Variants in TEX11 observed in about 807,000 individuals in gnomAD.
TEX11 encodes testis-expressed protein 11.
A neutral mutation model predicts 84.4 loss-of-function variants in TEX11; 7 were observed. The observed-to-expected ratio is 0.08, with a 90% CI of 0.05 to 0.16. TEX11 has a LOEUF of 0.16. TEX11 is among the 10% of genes least tolerant of loss of function. The pLI is 1.00. For missense variants in TEX11, 551 were observed against 660.5 expected, an observed-to-expected ratio of 0.83 and a Z score of 1.82; for synonymous variants, 264 against 222.8, an observed-to-expected ratio of 1.18 and a Z score of -1.64.
chrX:70,881,213 G>A (rs778823513), intron 2 of TEX11, among the ~76,000 whole-genome samples: 4 of 107,636 alleles, frequency 3.7e-5, no homozygotes, highest in Non-Finnish European at 5.7e-5. Context: ...TGTAATCCCA[G>A]CTACTGGGGT....
chrX:70,860,675 T>C (rs1207560480), intron 5 of TEX11, among the ~76,000 whole-genome samples, 182 bp downstream of exon 5: 1 of 111,908 alleles, frequency 8.9e-6, no homozygotes, highest in African/African-American at 3.2e-5. Context: ...ATTACTACAG[T>C]ATTCTGAGAA....
intron 8 of TEX11, among the ~76,000 whole-genome samples, chrX:70,826,784 C>T (rs1188296728): frequency 1.8e-5 from 2 of 111,307 alleles, no homozygotes; most frequent in Non-Finnish European, 3.8e-5. Context: ...TGGCAAGCCT[C>T]GTCACTGTGG....
chrX:70,511,744 C>T, the TEX11 span, among the ~76,000 whole-genome samples: 1 of 65,138 alleles, frequency 1.5e-5, no homozygotes, highest in Non-Finnish European at 2.9e-5. Context: ...CAGACTGAGA[C>T]TCCATCTCAA....
At chrX:70,850,468 G>A (rs1354762181) in intron 7 of TEX11, among the ~76,000 whole-genome samples, 4 of 108,586 alleles carry the variant, frequency 3.7e-5, no homozygotes, top group Non-Finnish European at 5.7e-5. Context: ...CTGGCCAGTC[G>A]CAGTGGTTCA....
At chrX:70,547,986 G>A (rs760748828) in intron 28 of TEX11, among the ~76,000 whole-genome samples, 49 of 111,700 alleles carry the variant, frequency 4.4e-4, no homozygotes, top group African/African-American at 1.2e-3. Flanking sequence ...TTATTGCAGC[G>A]CTGTTCACAA....
intron 9 of TEX11, among the ~76,000 whole-genome samples, chrX:70,804,696 CG>C (rs1232200166): frequency 2.7e-5 from 3 of 111,076 alleles, no homozygotes; most frequent in African/African-American, 9.8e-5. Flanking sequence ...CAAATATAGC[CG>C]CTAAGATATT....
intron 9 of TEX11, among the ~76,000 whole-genome samples, chrX:70,762,044 T>C (rs1254017209): frequency 8.9e-6 from 1 of 111,933 alleles, no homozygotes; most frequent in Non-Finnish European, 1.9e-5. Flanking sequence ...TATCCTAAAA[T>C]AGTATATCCA....
chrX:70,876,492 G>GT (rs200407648), intron 3 of TEX11, among the ~76,000 whole-genome samples: 20,803 of 110,756 alleles, frequency 0.19, 1,544 homozygotes, highest in Non-Finnish European at 0.22. Context: ...GATGTGGCAG[G>GT]TTTTGTCTTA....
At chrX:70,520,986 G>A in the TEX11 span, among the ~76,000 whole-genome samples, 25 of 112,158 alleles carry the variant, frequency 2.2e-4, no homozygotes, top group East Asian at 8.5e-4. Context: ...TGCTAAGACC[G>A]TTGGAAAAGT....
At chrX:70,578,590 G>T (rs964862890) in intron 25 of TEX11, among the ~76,000 whole-genome samples, 11 of 110,752 alleles carry the variant, frequency 9.9e-5, no homozygotes, top group African/African-American at 3.6e-4. Flanking sequence ...ACTGAAAAAG[G>T]CTTTGACCTC....
In TEX11 at chrX:70,806,717, G is replaced by T. The variant is rs775355719; in HGVS notation, c.680C>A (p.Ser227Tyr). The T allele has an allele frequency of 1.7e-6, 2 of 1,176,985 alleles. No homozygotes were observed. The highest frequency in any genetic ancestry group is 1.8e-5 in the South Asian group (1 of 54,098). The change falls in exon 9 of 30, where the codon TCT becomes TAT. Residue 227 changes from serine to tyrosine, a missense_variant. Transcript: ENST00000374333. ...TTGTTTATGTTACCTAAGCCAGAAA[G>T]AACTTTCTTCATATTTATTATTCTT... ...TQKNNKYEES[S>Y]FWLSQSYDIG...
At chrX:70,867,351 C>A (rs2091604698) in intron 4 of TEX11, among the ~76,000 whole-genome samples, 1 of 110,981 alleles carries the variant, frequency 9.0e-6, no homozygotes, top group Non-Finnish European at 1.9e-5. Flanking sequence ...GAACTACAAA[C>A]CACTGCTCAA....
In TEX11 at chrX:70,693,270, C is replaced by CA. The variant is rs2090252424; in HGVS notation, c.1005-10446_1005-10445insT. ...AAAAAAAATTCCAACTTTTCTACAT[C>CA]CTTGCCAACACTTGTTATCTTTTCT... On this transcript the variant is annotated intron_variant, in intron 13 of 29. Transcript: ENST00000374333. Among the ~76,000 whole-genome samples, 4 of 111,181 alleles carry CA rather than the reference C, an allele frequency of 3.6e-5. No individual in the cohort carries two copies. The South Asian group carries it at 1.5e-3, about 42-fold the overall frequency.
chrX:70,727,696 G>C (rs768200699), intron 11 of TEX11, among the ~76,000 whole-genome samples: 5 of 111,288 alleles, frequency 4.5e-5, no homozygotes, highest in African/African-American at 6.5e-5. Context: ...CATGAGGGCT[G>C]AGCCCTCATG....
At chrX:70,658,374 A>C (rs1279004462) in intron 16 of TEX11, among the ~76,000 whole-genome samples, 1 of 111,623 alleles carries the variant, frequency 9.0e-6, no homozygotes, top group African/African-American at 3.3e-5. Flanking sequence ...CCGAGATAGC[A>C]CAACTGCTCT....
chrX:70,863,774 T>A (rs141950502), intron 4 of TEX11, among the ~76,000 whole-genome samples: 2,276 of 111,224 alleles, frequency 0.02, 41 homozygotes, highest in African/African-American at 0.07. Context: ...GTATAACAAA[T>A]TCCTCTGAGC....
intron 15 of TEX11, chrX:70,673,457 T>A (rs1319667347): frequency 8.9e-6 from 1 of 111,839 alleles, no homozygotes; most frequent in Non-Finnish European, 1.9e-5. Context: ...CTTCTTAACA[T>A]CCTTGTCTTT....
intron 9 of TEX11, among the ~76,000 whole-genome samples, chrX:70,750,002 A>T (rs995495753): frequency 1.8e-5 from 2 of 111,090 alleles, no homozygotes; most frequent in Non-Finnish European, 3.8e-5. Flanking sequence ...AAAATGGGAG[A>T]AAATTTTCGC....
intron 7 of TEX11, among the ~76,000 whole-genome samples, chrX:70,850,261 A>T (rs750195048): frequency 3.6e-5 from 4 of 111,805 alleles, no homozygotes; most frequent in Admixed American, 9.6e-5. Context: ...AATATTTTTC[A>T]TATATTTTGT....
Sources: allele counts gnomAD v4.1 joint callset (sites outside exome capture counted in the v4.1 genomes callset), GRCh38; gene constraint gnomAD v4.1.1; transcripts MANE v1.5; gene names NCBI Gene and HGNC (gene_info 2026-07-23, HGNC 2026-07-21).